KHDRBS2: variants seen among roughly 807,000 people sequenced by gnomAD.
KHDRBS2 encodes KH RNA binding domain containing, signal transduction associated 2.
Under a neutral mutation model 44.3 loss-of-function variants are expected in KHDRBS2, and 26 were observed. The ratio of observed to expected loss-of-function variants is 0.59; its 90% confidence interval spans 0.43 to 0.81. The LOEUF (loss-of-function observed/expected upper bound fraction) is 0.81, where lower values mean the gene tolerates loss of function less well. Among genes scored for constraint, KHDRBS2 ranks in the 40% least tolerant of loss-of-function variants. The pLI is 0.00. For missense variants in KHDRBS2, 476 were observed against 433.1 expected, an observed-to-expected ratio of 1.10 and a Z score of -0.88; for synonymous variants, 194 against 151.1, an observed-to-expected ratio of 1.28 and a Z score of -2.08.
chr6:62,028,354 C>T (rs1783750612), intron 3 of KHDRBS2, among the ~76,000 whole-genome samples: 1 of 151,932 alleles, frequency 6.6e-6, no homozygotes, highest in Non-Finnish European at 1.5e-5. Context: ...CTTAAGATTC[C>T]TATTAATTCT....
In KHDRBS2 at chr6:62,014,421, C is replaced by T. The variant is rs138267896; in HGVS notation, c.336+33457G>A. Reference sequence around the variant, plus strand: ...GATTTAGTTTATCAAAGGACTCCCACAATTTGTCAAAATGCTGGTTCAAAA... The same window carrying T: ...GATTTAGTTTATCAAAGGACTCCCATAATTTGTCAAAATGCTGGTTCAAAA... On this transcript the variant is annotated intron_variant, in intron 3 of 8. Transcript: ENST00000281156. 8.2e-3 allele frequency among the ~76,000 whole-genome samples: 1,250 copies of T among 152,250 alleles called. 9 individuals carry two copies. Among genetic ancestry groups the T allele is most frequent in the African/African-American group, 0.028 (1,173 of 41,564 alleles).
At chr6:61,898,804 C>T (rs1803407943) in intron 5 of KHDRBS2, among the ~76,000 whole-genome samples, 2 of 151,964 alleles carry the variant, frequency 1.3e-5, no homozygotes, top group South Asian at 4.1e-4. Flanking sequence ...TACCAACTAT[C>T]ATACTTACTT....
At chr6:61,588,067 C>A in the KHDRBS2 span, among the ~76,000 whole-genome samples, 14 of 152,274 alleles carry the variant, frequency 9.2e-5, no homozygotes, top group African/African-American at 3.4e-4. Flanking sequence ...AAGAAAAGGC[C>A]ACACCCTACC....
chr6:61,715,850 G>C (rs542396389), intron 7 of KHDRBS2, among the ~76,000 whole-genome samples: 1 of 151,680 alleles, frequency 6.6e-6, no homozygotes, highest in South Asian at 2.1e-4. Context: ...AGAAAATCAG[G>C]ACCATAGCTA....
rs769703163 is a variant in KHDRBS2, at chr6:62,097,998, GAAAC to G, written c.220-50008_220-50005del. Among the ~76,000 whole-genome samples the G allele has an allele frequency of 1.5e-4, 23 of 152,082 alleles. No individual in the cohort carries two copies. In the South Asian group the frequency reaches 3.3e-3, roughly 22 times the overall value. ...AACTTTGATCATAAAGATAGGAAAT[GAAAC>G]AAACAAACAAAAAAAGTCTACACTA... is the stretch of plus-strand genomic sequence containing the variant. On this transcript the variant is annotated intron_variant, in intron 2 of 8. Transcript: ENST00000281156.
At chr6:62,046,139 A>G (rs1226142935) in intron 3 of KHDRBS2, among the ~76,000 whole-genome samples, 4 of 151,956 alleles carry the variant, frequency 2.6e-5, no homozygotes, top group Non-Finnish European at 5.9e-5. Context: ...ATTGTAAGTA[A>G]CAGGTAATAT....
chr6:61,721,723 A>G, intron 7 of KHDRBS2, among the ~76,000 whole-genome samples: 1 of 115,228 alleles, frequency 8.7e-6, no homozygotes, highest in African/African-American at 2.9e-5. Context: ...TGTCATCTGC[A>G]AACAGGGACA....
intron 6 of KHDRBS2, among the ~76,000 whole-genome samples, chr6:61,814,810 T>C (rs182665254): frequency 6.6e-6 from 1 of 152,102 alleles, no homozygotes; most frequent in Non-Finnish European, 1.5e-5. Flanking sequence ...AACCTGTGGA[T>C]AGTACTGAAA....
intron 2 of KHDRBS2, among the ~76,000 whole-genome samples, chr6:62,134,645 AAGCAGCCAGGAGGAAGACTATACCCTGC>A (rs1811096971): frequency 6.6e-6 from 1 of 152,092 alleles, no homozygotes; most frequent in Non-Finnish European, 1.5e-5. Context: ...CAGCCTGTGA[AAGCAGCCAGGAGGAAGACTATACCCTGC>A]AAAGCTACAG....
intron 4 of KHDRBS2, among the ~76,000 whole-genome samples, chr6:61,963,269 G>T (rs1769167003): frequency 6.6e-6 from 1 of 152,004 alleles, no homozygotes; most frequent in Non-Finnish European, 1.5e-5. Flanking sequence ...GAAAACATGA[G>T]CAATTACATT....
the KHDRBS2 span, among the ~76,000 whole-genome samples, chr6:61,574,169 CT>C: frequency 6.6e-6 from 1 of 152,260 alleles, no homozygotes; most frequent in Admixed American, 6.5e-5. Context: ...GTAAAAGGAA[CT>C]CGGCAAATCT....
Position 62,054,958 on chromosome 6 carries a change from G to A in KHDRBS2, c.220-6964C>T, listed in dbSNP as rs1031667589. On this transcript the variant is annotated intron_variant, in intron 2 of 8. Transcript: ENST00000281156. ...GCATAATAGGCTATCCATAGTAAGA[G>A]AAATAAAATTAATTCCTACATCATA... 7.2e-5 allele frequency among the ~76,000 whole-genome samples: 11 copies of A among 152,102 alleles called. No individual in the cohort carries two copies. In the South Asian group the frequency reaches 8.3e-4, roughly 11 times the overall value.
chr6:62,128,995 G>A (rs1286415213), intron 2 of KHDRBS2, among the ~76,000 whole-genome samples: 1 of 152,018 alleles, frequency 6.6e-6, no homozygotes, highest in African/African-American at 2.4e-5. Flanking sequence ...TATAATGTGT[G>A]TGACTATCAC....
At chr6:61,835,703 A>ATGTG (rs549708878) in intron 6 of KHDRBS2, among the ~76,000 whole-genome samples, 1 of 111,618 alleles carries the variant, frequency 9.0e-6, no homozygotes, top group Admixed American at 8.7e-5. Context: ...GCTAATGTTG[A>ATGTG]TGTGTGCGTG....
At chr6:62,230,737 C>A (rs1460460703) in intron 1 of KHDRBS2, among the ~76,000 whole-genome samples, 1 of 152,120 alleles carries the variant, frequency 6.6e-6, no homozygotes, top group Non-Finnish European at 1.5e-5. Flanking sequence ...ATTCACAGGG[C>A]AATTAAAAAT....
rs769537457 is a variant in KHDRBS2 at position 62,285,925 on chromosome 6, A to C, written c.24T>G (p.Pro8=). 5 of 1,612,704 alleles carry C rather than the reference A, an allele frequency of 3.1e-6. No homozygotes were observed. Among genetic ancestry groups the C allele is most frequent in the Non-Finnish European group, 4.2e-6 (5 of 1,179,092 alleles). Residue 8 remains proline (P), a synonymous_variant, in exon 1 of 9, where the codon CCT becomes CCG. Coordinates refer to ENST00000281156, the MANE Select transcript of KHDRBS2 (RefSeq NM_152688.4). ...GGCTATCTTTCTCTGCCATCAGCTC[A>C]GGCAAATATTTCTCCTCTTCCATAG... MEEEKYL[P]ELMAEKDSLD... is the part of the protein sequence containing the mutation.
chr6:62,099,909 G>A (rs1801476062), intron 2 of KHDRBS2, among the ~76,000 whole-genome samples: 1 of 152,098 alleles, frequency 6.6e-6, no homozygotes, highest in Non-Finnish European at 1.5e-5. Flanking sequence ...CATGGATCAA[G>A]GAATAATTTC....
the KHDRBS2 span, among the ~76,000 whole-genome samples, chr6:61,629,499 T>C: frequency 6.6e-6 from 1 of 152,122 alleles, no homozygotes; most frequent in Non-Finnish European, 1.5e-5. Flanking sequence ...AGATACACGA[T>C]TCAGCATTCA....
chr6:62,059,151 AGAAT>A (rs1339515493), intron 2 of KHDRBS2, among the ~76,000 whole-genome samples: 2 of 147,976 alleles, frequency 1.4e-5, no homozygotes, highest in Admixed American at 6.8e-5. Flanking sequence ...TAAGTGCTAT[AGAAT>A]TCAAAGGAAG....
Sources: allele counts gnomAD v4.1 joint callset (sites outside exome capture counted in the v4.1 genomes callset), GRCh38; gene constraint gnomAD v4.1.1; transcripts MANE v1.5; gene names NCBI Gene and HGNC (gene_info 2026-07-23, HGNC 2026-07-21).